TMEM245: variants seen among roughly 807,000 people sequenced by gnomAD.
The protein encoded by TMEM245 is protein CG-2.
Under a neutral mutation model 101.2 loss-of-function variants are expected in TMEM245, and 69 were observed. The ratio of observed to expected loss-of-function variants is 0.68; its 90% CI spans 0.56 to 0.83. The LOEUF (loss-of-function observed/expected upper bound fraction) is 0.83. Among genes scored for constraint, TMEM245 ranks in the 40% least tolerant of loss-of-function variants. The pLI, the probability that TMEM245 is intolerant of heterozygous loss-of-function variation, is 0.00. For missense variants in TMEM245, 1,075 were observed against 1,092.8 expected (o/e 0.98, Z 0.23); for synonymous variants, 537 against 449.8 (o/e 1.19, Z -2.45).
intron 9 of TMEM245, among the ~76,000 whole-genome samples, chr9:109,066,311 T>C (rs1829161595): frequency 6.6e-6 from 1 of 151,698 alleles, no homozygotes; most frequent in Non-Finnish European, 1.5e-5. Context: ...AAAAATTAGC[T>C]GGGCATGGTT....
intron 9 of TMEM245, 92 bp from the exon 10 acceptor site, chr9:109,064,659 G>T: frequency 9.8e-7 from 1 of 1,020,438 alleles, no homozygotes; most frequent in Non-Finnish European, 1.5e-6. Context: ...ATCCATAACA[G>T]ACAGACTGTT....
intron 12 of TMEM245, among the ~76,000 whole-genome samples, chr9:109,054,241 G>T (rs1334030619): frequency 1.3e-5 from 2 of 152,092 alleles, no homozygotes; most frequent in African/African-American, 4.8e-5. Flanking sequence ...AGAAGGAGGA[G>T]GATGAAGCAG....
At chr9:109,057,346 A>G (rs1828871049) in intron 11 of TMEM245, 24 bp from the exon 12 acceptor site, 2 of 1,599,498 alleles carry the variant, frequency 1.3e-6, no homozygotes, top group Non-Finnish European at 1.7e-6. Context: ...CAGTGCAGAC[A>G]TGAAATTCCC....
chr9:109,094,476 A>C (rs143016730), intron 3 of TMEM245, among the ~76,000 whole-genome samples: 4 of 152,322 alleles, frequency 2.6e-5, no homozygotes, highest in African/African-American at 9.6e-5. Context: ...TGTATCAAAC[A>C]CAGTCAGTCA....
intron 1 of TMEM245, among the ~76,000 whole-genome samples, chr9:109,112,212 G>A (rs1425758442): frequency 2.0e-5 from 3 of 151,992 alleles, no homozygotes; most frequent in African/African-American, 7.2e-5. Flanking sequence ...TGGTGGGGGA[G>A]GGGGAGAAAA....
At chr9:109,044,954 T>G (rs1828438433) in intron 14 of TMEM245, among the ~76,000 whole-genome samples, 1 of 152,044 alleles carries the variant, frequency 6.6e-6, no homozygotes, top group Non-Finnish European at 1.5e-5. Context: ...GAGATGGGGT[T>G]TCTCCATGTT....
intron 17 of TMEM245, among the ~76,000 whole-genome samples, chr9:109,021,674 TC>T (rs1446849451): frequency 7.2e-5 from 11 of 151,988 alleles, no homozygotes; most frequent in Non-Finnish European, 1.6e-4. Flanking sequence ...TGACACCACA[TC>T]CGGCTAATTT....
rs749974763 is a variant in TMEM245, at chr9:109,093,495, T to G, written c.896A>C (p.Gln299Pro). 1 of 1,613,814 alleles carries G rather than the reference T, an allele frequency of 6.2e-7. No individual in the cohort carries two copies. The highest frequency in any genetic ancestry group is 8.5e-7 in the Non-Finnish European group (1 of 1,179,882). ...GTCACCTGCAGGCTGAGTGGAGGGC[T>G]GGTCTTCACTGCTTGATTCATACCC... is the stretch of plus-strand genomic sequence containing the variant. ...ITGYESSSEDQPSTQPAEAVD... is the reference protein window; with the variant it reads ...ITGYESSSEDPPSTQPAEAVD... Residue 299 changes from glutamine (Q) to proline (P), a missense_variant, in exon 4 of 18, where the codon CAG becomes CCG. This residue lies in a region of TMEM245 where 808 missense variants were observed against 741.5 expected (regional missense o/e 1.09). Transcript: ENST00000374586.
chr9:109,051,339 C>CACA (rs1005589201), intron 12 of TMEM245, among the ~76,000 whole-genome samples: 1 of 146,984 alleles, frequency 6.8e-6, no homozygotes, highest in Non-Finnish European at 1.5e-5. Flanking sequence ...CACACACACA[C>CACA]ATCATTGTAG....
At position 109,020,328 on chromosome 9, in the gene TMEM245, A is replaced by C. The variant is rs906136867; in HGVS notation, c.*132T>G. 3 of 860,714 alleles carry C rather than the reference A, an allele frequency of 3.5e-6. No individual in the cohort carries two copies. The Admixed American group carries it at 5.2e-5, about 15-fold the overall frequency. The allele number at this position is 860,714 out of a possible 1,614,324, so 53.3% of individuals were successfully genotyped here. ...CTCTTGTCCAGGCATTCTGTATGTA[A>C]GGCCAGGAGGCTTCTGCTTCTTTCC... On this transcript the variant is annotated 3_prime_UTR_variant, in exon 18 of 18. Transcript: ENST00000374586.
intron 1 of TMEM245, among the ~76,000 whole-genome samples, chr9:109,113,149 T>C (rs1452430883): frequency 6.6e-6 from 1 of 152,382 alleles, no homozygotes. Flanking sequence ...GTTCTGCTTA[T>C]GTTTTTTCAA....
At chr9:109,037,980 A>G in intron 15 of TMEM245, 37 bp downstream of exon 15, 1 of 1,491,330 alleles carries the variant, frequency 6.7e-7, no homozygotes, top group Non-Finnish European at 9.1e-7. Context: ...AACTTTCCTT[A>G]AATAGCGAAT....
intron 9 of TMEM245, chr9:109,073,113 T>C (rs1829384352): frequency 2.1e-6 from 1 of 476,004 alleles, no homozygotes; most frequent in South Asian, 2.5e-5. Flanking sequence ...ATAAACATGC[T>C]GTAAACCTCA....
chr9:109,037,944 T>G, intron 15 of TMEM245, 73 bp downstream of exon 15: 1 of 1,237,170 alleles, frequency 8.1e-7, no homozygotes, highest in Non-Finnish European at 1.1e-6. Flanking sequence ...GAAGTAGACA[T>G]TTCCTAGATG....
At chr9:109,028,747 A>G (rs1384768757) in intron 17 of TMEM245, among the ~76,000 whole-genome samples, 1 of 152,218 alleles carries the variant, frequency 6.6e-6, no homozygotes, top group Non-Finnish European at 1.5e-5. Flanking sequence ...GCCTTAAAGA[A>G]GCAAAAACCC....
rs761365068 is a variant in TMEM245 at position 109,119,910 on chromosome 9, C to G, written c.4G>C (p.Ala2Pro). MADGGGPKDAPS... is the reference protein window; with the variant it reads MPDGGGPKDAPS... ...GCGTCCTTAGGGCCGCCGCCGTCGG[C>G]CATCGTTCCTCCGCCACAGCCGCCC... The change falls in exon 1 of 18, where the codon GCC becomes CCC. Residue 2 changes from alanine (A) to proline (P), a missense_variant. This residue lies in a region of TMEM245 where 808 missense variants were observed against 741.5 expected (regional missense o/e 1.09). Coordinates refer to ENST00000374586, the MANE Select transcript of TMEM245 (RefSeq NM_032012.4). 4 of 1,276,870 alleles carry G rather than the reference C, an allele frequency of 3.1e-6. No individual in the cohort carries two copies. The highest frequency in any genetic ancestry group is 3.0e-6 in the Non-Finnish European group (3 of 1,016,516). The allele number at this position is 1,276,870 out of a possible 1,614,324, so 79.1% of individuals were successfully genotyped here.
Position 109,091,097 on chromosome 9 carries a change from G to A in TMEM245, c.975C>T (p.Ser325=). ...PTLSTSPSPS[S]PSPTSPSPTL... ...TAGGTGAAGGGGAAGTGGGTGAAGG[G>A]GAGGAGGGTGAAGGGGAGGTGGACA... is the stretch of plus-strand genomic sequence containing the variant. Residue 325 remains serine (S), a synonymous_variant, in exon 5 of 18, where the codon TCC becomes TCT. Transcript: ENST00000374586. 6.2e-7 allele frequency: 1 copy of A among 1,614,044 alleles called. No individual in the cohort carries two copies.
intron 14 of TMEM245, among the ~76,000 whole-genome samples, chr9:109,048,138 T>C (rs902214024): frequency 2.0e-5 from 3 of 152,188 alleles, no homozygotes; most frequent in African/African-American, 7.2e-5. Context: ...GGAATCTTTA[T>C]AGATGGCCCC....
rs150728927 is a variant in TMEM245, at chr9:109,069,369, A to G, written c.1532+3987T>C. ...CAACATTTGGAAGGTCTATCATCCT[A>G]TGAAAGGCTCTATCCACTTGCCTAG... is the stretch of plus-strand genomic sequence containing the variant. On this transcript the variant is annotated intron_variant, in intron 9 of 17. Transcript: ENST00000374586. Among the ~76,000 whole-genome samples, 302 of 152,268 alleles carry G rather than the reference A, an allele frequency of 2.0e-3. 3 individuals carry two copies. The highest frequency in any genetic ancestry group is 6.7e-3 in the African/African-American group (277 of 41,554).
Sources: gnomAD v4.1 joint callset for allele counts (sites outside exome capture counted in the v4.1 genomes callset) on GRCh38, gnomAD v4.1.1 for gene constraint, gnomAD v4.1.1 regional missense constraint, MANE v1.5 for transcripts, NCBI Gene and HGNC (gene_info 2026-07-23, HGNC 2026-07-21) for gene names.